Variants in TAF5 observed in about 807,000 individuals in gnomAD.
TAF5 encodes TATA-box binding protein associated factor 5.
A neutral mutation model predicts 80.9 loss-of-function variants in TAF5; 20 were observed. The observed-to-expected ratio is 0.25, with a 90% confidence interval of 0.17 to 0.36. The LOEUF is 0.36. Ranked by LOEUF, TAF5 falls within the 10% of genes least tolerant of loss-of-function variation. The pLI is 1.00. For missense variants in TAF5, 863 were observed against 1,029.4 expected (o/e 0.84, Z 2.21); for synonymous variants, 388 against 406.4 (o/e 0.95, Z 0.55).
intron 8 of TAF5, 61 bp downstream of exon 8, chr10:103,385,551 G>C: frequency 6.5e-7 from 1 of 1,542,054 alleles, no homozygotes; most frequent in East Asian, 2.3e-5. Context: ...TTCTTGTTGG[G>C]AATTACACAG....
chr10:103,368,565 C>G lies in TAF5; in HGVS notation c.559+17C>G, dbSNP rs778806400. On this transcript the variant is annotated intron_variant, in intron 1 of 10. Coordinates refer to ENST00000369839, the MANE Select transcript of TAF5 (RefSeq NM_006951.5). ...CGGGTAAAGGTGAGCCGTGGGGTCC[C>G]GGGTAGGTACGGCCGCCGCGAAGGG... 4 of 1,463,356 alleles carry G rather than the reference C, an allele frequency of 2.7e-6. No homozygotes were observed. In the South Asian group the frequency reaches 4.2e-5, roughly 15 times the overall value. 90.6% of individuals were successfully genotyped at this position (1,463,356 alleles called of 1,614,324 possible).
intron 1 of TAF5, among the ~76,000 whole-genome samples, chr10:103,371,104 G>A (rs986921888): frequency 2.3e-4 from 35 of 152,130 alleles, no homozygotes; most frequent in African/African-American, 8.2e-4. Context: ...TTAGCTGGGC[G>A]TGGTGGCATG....
At position 103,383,259 on chromosome 10, in the gene TAF5, A is replaced by T; in HGVS notation, c.1556A>T (p.Glu519Val). 6.3e-7 allele frequency: 1 copy of T among 1,590,546 alleles called. No individual in the cohort carries two copies. The highest frequency in any genetic ancestry group is 1.1e-5 in the South Asian group (1 of 87,162). Residue 519 changes from glutamate (E) to valine (V), a missense_variant, in exon 7 of 11, where the codon GAA (glutamate) becomes GTA (valine). This residue lies in a region of TAF5 where 368 missense variants were observed against 461.7 expected (regional missense o/e 0.80). Transcript: ENST00000369839. Reference protein sequence around the residue: ...QASDLSLIDKESDDVLERIMD... With the variant: ...QASDLSLIDKVSDDVLERIMD... Reference sequence around the variant, plus strand: ...TTAGATCTTAGTCTTATAGACAAAGAATCAGATGATGTCTTAGAAAGAATC... The same window carrying T: ...TTAGATCTTAGTCTTATAGACAAAGTATCAGATGATGTCTTAGAAAGAATC...
intron 6 of TAF5, 58 bp from the exon 7 acceptor site, chr10:103,383,180 A>G: frequency 6.9e-7 from 1 of 1,449,914 alleles, no homozygotes; most frequent in Non-Finnish European, 9.2e-7. Context: ...TGATATGATT[A>G]CTTTAAAAGT....
At chr10:103,380,985 T>C (rs1436964071) in intron 5 of TAF5, among the ~76,000 whole-genome samples, 1 of 152,144 alleles carries the variant, frequency 6.6e-6, no homozygotes, top group East Asian at 1.9e-4. Flanking sequence ...AGTCTTGCTC[T>C]GACACCTAGG....
In TAF5 at chr10:103,368,081, G is replaced by A. The variant is rs1268128172; in HGVS notation, c.92G>A (p.Gly31Asp). 1 of 1,430,586 alleles carries A rather than the reference G, an allele frequency of 7.0e-7. No individual in the cohort carries two copies. The highest frequency in any genetic ancestry group is 3.2e-5 in the Admixed American group (1 of 31,484). 88.6% of individuals were successfully genotyped at this position (1,430,586 alleles called of 1,614,324 possible). A position where few individuals can be genotyped will look rare whatever the true frequency, so the allele number is the denominator to read the frequency against. ...CTGCTACCTCCGCAGGCGGGGGACGGCGCAGGCGAGGGTAGCGGCGGCACT... is the reference window on the plus strand; with the variant it reads ...CTGCTACCTCCGCAGGCGGGGGACGACGCAGGCGAGGGTAGCGGCGGCACT... Reference protein sequence around the residue: ...PTLLPPQAGDGAGEGSGGTTN... With the variant: ...PTLLPPQAGDDAGEGSGGTTN... The change falls in exon 1 of 11, where the codon GGC becomes GAC. Residue 31 changes from glycine to aspartate, a missense_variant. Gly to Asp is a moderately conservative substitution (Grantham distance 94). Around this residue, in one of 3 missense-constraint regions of TAF5, gnomAD observed 367 missense variants for 335.5 expected, o/e 1.09. Coordinates refer to ENST00000369839, the MANE Select transcript of TAF5 (RefSeq NM_006951.5).
chr10:103,381,734 T>G lies in TAF5; in HGVS notation c.1427T>G (p.Val476Gly). Residue 476 changes from valine (V) to glycine (G), a missense_variant, in exon 6 of 11, where the codon GTG becomes GGG. Coordinates refer to ENST00000369839, the MANE Select transcript of TAF5 (RefSeq NM_006951.5). The part of the protein sequence containing the change: ...FLNAYQGLTA[V>G]DVTDDSSLIA... ...TTTTATTGGCAGGGTCTCACTGCAG[T>G]GGATGTCACTGATGATTCTAGTCTG... is the stretch of plus-strand genomic sequence containing the variant. The G allele has an allele frequency of 6.2e-7, 1 of 1,614,164 alleles. No individual in the cohort carries two copies. The highest frequency in any genetic ancestry group is 8.5e-7 in the Non-Finnish European group (1 of 1,180,022).
At chr10:103,376,036 C>T (rs1173502970) in intron 2 of TAF5, among the ~76,000 whole-genome samples, 3 of 144,552 alleles carry the variant, frequency 2.1e-5, no homozygotes, top group South Asian at 2.3e-4. Flanking sequence ...CCAGCCTTGG[C>T]GAAGAGTGAA....
intron 1 of TAF5, among the ~76,000 whole-genome samples, chr10:103,371,867 A>T (rs530835685): frequency 6.6e-6 from 1 of 152,052 alleles, no homozygotes; most frequent in African/African-American, 2.4e-5. Flanking sequence ...TAGTTGTTTG[A>T]TTTGCACATA....
chr10:103,375,362 A>G (rs1168744379), intron 2 of TAF5, among the ~76,000 whole-genome samples: 1 of 152,066 alleles, frequency 6.6e-6, no homozygotes, highest in Non-Finnish European at 1.5e-5. Flanking sequence ...TAGGGAGGTG[A>G]GGGAGATGGA....
intron 5 of TAF5, 76 bp downstream of exon 5, chr10:103,380,095 T>C: frequency 6.8e-7 from 1 of 1,480,676 alleles, no homozygotes; most frequent in Admixed American, 2.3e-5. Flanking sequence ...GAGAAACAAA[T>C]GTATTAGCTA....
Position 103,373,364 on chromosome 10 carries a change from G to A in TAF5, c.566G>A (p.Ser189Asn). The A allele has an allele frequency of 1.2e-6, 2 of 1,613,566 alleles. No homozygotes were observed. The highest frequency in any genetic ancestry group is 1.7e-6 in the Non-Finnish European group (2 of 1,179,860). Residue 189 changes from serine (S) to asparagine (N), a missense_variant, in exon 2 of 11, where the codon AGT (serine) becomes AAT (asparagine). Coordinates refer to ENST00000369839, the MANE Select transcript of TAF5 (RefSeq NM_006951.5). Reference sequence around the variant, plus strand: ...TTTTTTGTTTTTTAAATAGTTGGAAGTGTTGCTGTGGAAGACCAGCCAGAT... The same window carrying A: ...TTTTTTGTTTTTTAAATAGTTGGAAATGTTGCTGTGGAAGACCAGCCAGAT... ...SGPAAPGKVGSVAVEDQPDVS... is the reference protein window; with the variant it reads ...SGPAAPGKVGNVAVEDQPDVS...
chr10:103,381,927 T>G, intron 6 of TAF5, 86 bp downstream of exon 6: 8 of 1,533,220 alleles, frequency 5.2e-6, no homozygotes, highest in Non-Finnish European at 7.1e-6. Flanking sequence ...GAGATTGTGT[T>G]CTTTACAGAA....
intron 1 of TAF5, among the ~76,000 whole-genome samples, chr10:103,371,657 G>A (rs2093359837): frequency 6.6e-6 from 1 of 152,182 alleles, no homozygotes; most frequent in South Asian, 2.1e-4. Context: ...TATAAATAAG[G>A]CATGGTCCTT....
chr10:103,373,386 A>G lies in TAF5; in HGVS notation c.588A>G (p.Pro196=), dbSNP rs758561278. 7 of 1,614,090 alleles carry G rather than the reference A, an allele frequency of 4.3e-6. No individual in the cohort carries two copies. Among genetic ancestry groups the G allele is most frequent in the Non-Finnish European group, 5.1e-6 (6 of 1,180,010 alleles). The change falls in exon 2 of 11, where the codon CCA becomes CCG. Residue 196 remains proline, a synonymous_variant. Coordinates refer to ENST00000369839, the MANE Select transcript of TAF5 (RefSeq NM_006951.5). The stretch of plus-strand genomic sequence containing the variant: ...GAAGTGTTGCTGTGGAAGACCAGCC[A>G]GATGTCAGTGCCGTGTTGTCAGCCT... ...KVGSVAVEDQ[P]DVSAVLSAYN... is the part of the protein sequence containing the mutation.
chr10:103,369,350 TTTTTC>T (rs1237663674), intron 1 of TAF5, among the ~76,000 whole-genome samples: 67 of 146,530 alleles, frequency 4.6e-4, no homozygotes, highest in Non-Finnish European at 6.0e-4. Flanking sequence ...AGTTGAATTT[TTTTTC>T]TTTTTCTTTT....
At chr10:103,375,033 C>T (rs11596937) in intron 2 of TAF5, among the ~76,000 whole-genome samples, 6 of 149,056 alleles carry the variant, frequency 4.0e-5, no homozygotes, top group Non-Finnish European at 7.4e-5. Flanking sequence ...GCTGGAGAAT[C>T]GCTTGAACCT....
intron 1 of TAF5, among the ~76,000 whole-genome samples, chr10:103,370,194 T>G (rs2093356054): frequency 6.6e-6 from 1 of 151,536 alleles, no homozygotes; most frequent in Admixed American, 6.6e-5. Flanking sequence ...ATTGCGCCAC[T>G]GCACTCCAAC....
At chr10:103,370,022 A>T (rs973830196) in intron 1 of TAF5, among the ~76,000 whole-genome samples, 1 of 151,502 alleles carries the variant, frequency 6.6e-6, no homozygotes, top group Non-Finnish European at 1.5e-5. Context: ...ACCTGAGGTC[A>T]GGAGTTTGAG....
Sources: allele counts gnomAD v4.1 joint callset (sites outside exome capture counted in the v4.1 genomes callset), GRCh38; gene constraint gnomAD v4.1.1; regional missense constraint gnomAD v4.1.1; transcripts MANE v1.5; gene names NCBI Gene and HGNC (gene_info 2026-07-23, HGNC 2026-07-21).